CENPF: variants seen among roughly 807,000 people sequenced by gnomAD.
The protein encoded by CENPF is AH antigen.
A neutral mutation model predicts 307.3 loss-of-function variants in CENPF; 214 were observed. The ratio of observed to expected loss-of-function variants is 0.70; its 90% confidence interval spans 0.62 to 0.78. The LOEUF is 0.78. Among genes scored for constraint, CENPF ranks in the 30% least tolerant of loss-of-function variants. The pLI, the probability that CENPF is intolerant of heterozygous loss-of-function variation, is 0.00. For missense variants in CENPF, 3,401 were observed against 3,483.9 expected, an observed-to-expected ratio of 0.98 and a Z score of 0.60; for synonymous variants, 1,259 against 1,270.6, an observed-to-expected ratio of 0.99 and a Z score of 0.19.
rs748452049 is a variant in CENPF at position 214,644,722 on chromosome 1, A to G, written c.5152A>G (p.Thr1718Ala). The G allele has an allele frequency of 5.0e-6, 8 of 1,613,988 alleles. No individual in the cohort carries two copies. The highest frequency in any genetic ancestry group is 3.3e-5 in the Admixed American group (2 of 59,996). The change falls in exon 13 of 20, where the codon ACA (threonine) becomes GCA (alanine). Residue 1718 changes from threonine to alanine, a missense_variant. Thr to Ala is a moderately conservative substitution (Grantham distance 58). Transcript: ENST00000366955. ...AACTGAGACTGGTGCAGTGAAACCCACAGGAGAGTGCTCTGGGGAACAGTC... is the reference window on the plus strand; with the variant it reads ...AACTGAGACTGGTGCAGTGAAACCCGCAGGAGAGTGCTCTGGGGAACAGTC... Reference protein sequence around the residue: ...KITETGAVKPTGECSGEQSPD... With the variant: ...KITETGAVKPAGECSGEQSPD...
Position 214,646,201 on chromosome 1 carries a change from G to C in CENPF, c.6631G>C (p.Glu2211Gln). 6.2e-7 allele frequency: 1 copy of C among 1,613,222 alleles called. No individual in the cohort carries two copies. The highest frequency in any genetic ancestry group is 8.5e-7 in the Non-Finnish European group (1 of 1,179,862). ...FELDLVTLRSEKENLTKQIQE... is the reference protein window; with the variant it reads ...FELDLVTLRSQKENLTKQIQE... The stretch of plus-strand genomic sequence containing the variant: ...ATTAGACCTTGTCACGTTAAGGTCT[G>C]AAAAAGAAAATCTGACAAAACAAAT... The change falls in exon 13 of 20, where the codon GAA (glutamate) becomes CAA (glutamine). Residue 2211 changes from glutamate (E) to glutamine (Q), a missense_variant. Glu to Gln is a conservative substitution (Grantham distance 29). Coordinates refer to ENST00000366955, the MANE Select transcript of CENPF (RefSeq NM_016343.4).
At chr1:214,620,134 G>T (rs1657465414) in intron 5 of CENPF, among the ~76,000 whole-genome samples, 1 of 152,198 alleles carries the variant, frequency 6.6e-6, no homozygotes, top group Non-Finnish European at 1.5e-5. Flanking sequence ...AGCATAGAAA[G>T]AACAATGCAA....
chr1:214,628,938 A>T, intron 7 of CENPF, 108 bp from the exon 8 acceptor site: 2 of 786,880 alleles, frequency 2.5e-6, no homozygotes, highest in Non-Finnish European at 3.8e-6. Flanking sequence ...GTTCCTAAAC[A>T]TAAATTGTGT....
At position 214,642,257 on chromosome 1, in the gene CENPF, T is replaced by C. The variant is rs769335654; in HGVS notation, c.3919T>C (p.Cys1307Arg). ...MNKLNELEKICEILQAEKYEL... is the reference protein window; with the variant it reads ...MNKLNELEKIREILQAEKYEL... ...CAAGCTGAATGAGCTAGAGAAAATA[T>C]GTGAAATACTGCAGGCTGAAAAGTA... Residue 1307 changes from cysteine (C) to arginine (R), a missense_variant, in exon 12 of 20, where the codon TGT becomes CGT. Physicochemically the swap from Cys to Arg is radical, Grantham distance 180. Transcript: ENST00000366955. The C allele has an allele frequency of 1.7e-5, 28 of 1,613,858 alleles. No individual in the cohort carries two copies. The South Asian group carries it at 2.4e-4, about 14-fold the overall frequency.
Position 214,629,041 on chromosome 1 carries a change from A to G in CENPF, c.1069-5A>G. 1 of 1,582,580 alleles carries G rather than the reference A, an allele frequency of 6.3e-7. No homozygotes were observed. On this transcript the variant is annotated splice_region_variant and splice_polypyrimidine_tract_variant and intron_variant, in intron 7 of 19. Coordinates refer to ENST00000366955, the MANE Select transcript of CENPF (RefSeq NM_016343.4). Reference sequence around the variant, plus strand: ...TTTGTCTTGAACATTTTTATTCATTATTAGTATACTGCATTGGAACAAAAA... The same window carrying G: ...TTTGTCTTGAACATTTTTATTCATTGTTAGTATACTGCATTGGAACAAAAA...
rs768997245 is a variant in CENPF at position 214,655,403 on chromosome 1, G to C, written c.8485G>C (p.Gly2829Arg). The C allele has an allele frequency of 1.9e-6, 3 of 1,583,756 alleles. No homozygotes were observed. Among genetic ancestry groups the C allele is most frequent in the South Asian group, 2.4e-5 (2 of 84,320 alleles). ...LQAAQEKQKT[G>R]TVMDTKVDEL... ...AGCTGCACAGGAGAAGCAGAAAACA[G>C]GTGGGTGTTAACTGGGGCACATCAA... The change falls in exon 17 of 20, where the codon GGT (glycine) becomes CGT (arginine). Residue 2829 changes from glycine to arginine, a missense_variant and splice_region_variant. Coordinates refer to ENST00000366955, the MANE Select transcript of CENPF (RefSeq NM_016343.4).
intron 7 of CENPF, among the ~76,000 whole-genome samples, chr1:214,627,915 G>T (rs1409492821): frequency 6.6e-6 from 1 of 152,192 alleles, no homozygotes; most frequent in African/African-American, 2.4e-5. Flanking sequence ...TCAATACCGT[G>T]TTCTTAAGTG....
chr1:214,617,882 C>T (rs1340019112), intron 3 of CENPF, among the ~76,000 whole-genome samples: 2 of 152,174 alleles, frequency 1.3e-5, no homozygotes, highest in Non-Finnish European at 2.9e-5. Context: ...TTCCAATCCT[C>T]CAACTCTTCT....
Position 214,659,975 on chromosome 1 carries a change from G to A in CENPF, c.9141+947G>A, listed in dbSNP as rs1658748538. Among the ~76,000 whole-genome samples the A allele has an allele frequency of 6.6e-6, 1 of 152,146 alleles. No homozygotes were observed. Among genetic ancestry groups the A allele is most frequent in the Admixed American group, 6.5e-5 (1 of 15,276 alleles). On this transcript the variant is annotated intron_variant, in intron 19 of 19. Transcript: ENST00000366955. The surrounding 1 kb of genome is among the most constrained non-coding windows in gnomAD (Gnocchi z 4.4). ...TGATAACCTTGAACCAGAAAACAAAGCTTTGAAAGTGTAATAACCCCTATT... is the reference window on the plus strand; with the variant it reads ...TGATAACCTTGAACCAGAAAACAAAACTTTGAAAGTGTAATAACCCCTATT...
intron 16 of CENPF, chr1:214,653,385 G>A (rs548461606): frequency 5.8e-6 from 1 of 173,542 alleles, no homozygotes; most frequent in Non-Finnish European, 1.3e-5. Context: ...TGGCTTACGG[G>A]GAGATCAAAG....
At chr1:214,628,716 T>G (rs1657724054) in intron 7 of CENPF, among the ~76,000 whole-genome samples, 1 of 152,244 alleles carries the variant, frequency 6.6e-6, no homozygotes, top group Non-Finnish European at 1.5e-5. Context: ...AAATCCATTA[T>G]GCTTGAAACA....
At chr1:214,606,151 G>A (rs1657024105) in intron 1 of CENPF, 4 of 1,441,674 alleles carry the variant, frequency 2.8e-6, no homozygotes, top group Admixed American at 2.2e-5. Flanking sequence ...GGGCGTCCCC[G>A]GGCCCAGCTC....
chr1:214,634,155 A>G (rs1657887018), intron 10 of CENPF, among the ~76,000 whole-genome samples: 1 of 152,208 alleles, frequency 6.6e-6, no homozygotes, highest in African/African-American at 2.4e-5. Context: ...TGCATGCATC[A>G]CATTTCACTG....
intron 18 of CENPF, 65 bp downstream of exon 18, chr1:214,657,474 TA>T: frequency 3.3e-6 from 4 of 1,210,836 alleles, no homozygotes; most frequent in Non-Finnish European, 4.7e-6. Flanking sequence ...GGTTCACATA[TA>T]AAAAGACAAA....
At chr1:214,607,341 C>T (rs1000126007) in intron 1 of CENPF, among the ~76,000 whole-genome samples, 1 of 151,774 alleles carries the variant, frequency 6.6e-6, no homozygotes, top group Non-Finnish European at 1.5e-5. Context: ...GCCGAGCAGA[C>T]AGAGCTCAGA....
chr1:214,613,058 C>A, intron 1 of CENPF: 1 of 341,650 alleles, frequency 2.9e-6, no homozygotes, highest in Non-Finnish European at 5.5e-6. Context: ...TTTGATGCTA[C>A]ATGAATTCTG....
chr1:214,629,533 ACT>A (rs1306000700), intron 8 of CENPF, among the ~76,000 whole-genome samples: 1 of 148,440 alleles, frequency 6.7e-6, no homozygotes, highest in Non-Finnish European at 1.5e-5. Context: ...TTTTTCTTTC[ACT>A]CTATTTCCTT....
At chr1:214,616,282 T>C (rs1657334019) in intron 3 of CENPF, among the ~76,000 whole-genome samples, 1 of 152,122 alleles carries the variant, frequency 6.6e-6, no homozygotes, top group Admixed American at 6.5e-5. Flanking sequence ...AATGAAAGGA[T>C]AGGGAAAAGA....
In CENPF at chr1:214,652,992, A is replaced by G. The variant is rs753948141; in HGVS notation, c.8322+3A>G. On this transcript the variant is annotated splice_donor_region_variant and intron_variant, in intron 16 of 19. Transcript: ENST00000366955. ...TGGAAGAATTGAAGAAAACCAAGGT[A>G]TGTTCACTTTAATTTGCTTCATGAT... The G allele has an allele frequency of 8.1e-6, 13 of 1,601,422 alleles. No homozygotes were observed. Among genetic ancestry groups the G allele is most frequent in the Non-Finnish European group, 1.1e-5 (13 of 1,172,946 alleles).
Sources: gnomAD v4.1 joint callset for allele counts (sites outside exome capture counted in the v4.1 genomes callset) on GRCh38, gnomAD v4.1.1 for gene constraint, Gnocchi (gnomAD v3.1) non-coding constraint, MANE v1.5 for transcripts, NCBI Gene and HGNC (gene_info 2026-07-23, HGNC 2026-07-21) for gene names.